The following AKT2 variants were observed in gnomAD, a reference collection of about 807,000 sequenced individuals.
The protein encoded by AKT2 is RAC-beta serine/threonine-protein kinase.
AKT2 carries 16 observed loss-of-function variants against 58.6 expected under a neutral mutation model. The observed-to-expected ratio is 0.27, with a 90% CI of 0.18 to 0.41. The LOEUF (loss-of-function observed/expected upper bound fraction) is 0.41, where lower values mean the gene tolerates loss of function less well. AKT2 is among the 10% of genes least tolerant of loss of function. The pLI is 1.00. For missense variants in AKT2, 438 were observed against 661.0 expected (o/e 0.66, Z 3.70); for synonymous variants, 253 against 254.0 (o/e 1.00, Z 0.04).
chr19:40,256,814 C>CA (rs1312170990), intron 3 of AKT2, 112 bp downstream of exon 3: 4 of 1,528,098 alleles, frequency 2.6e-6, no homozygotes, highest in African/African-American at 2.7e-5. Flanking sequence ...GATCCAAGGG[C>CA]AAGCAGGCCC....
chr19:40,285,071 C>G, intron 1 of AKT2, 110 bp downstream of exon 1: 1 of 386,892 alleles, frequency 2.6e-6, no homozygotes, highest in Non-Finnish European at 4.6e-6. Flanking sequence ...GGCTCGAGGG[C>G]CGCGGTCCCC....
chr19:40,262,414 A>G (rs763836887), intron 2 of AKT2, among the ~76,000 whole-genome samples: 22 of 152,304 alleles, frequency 1.4e-4, no homozygotes, highest in Non-Finnish European at 2.8e-4. Context: ...CATCTTGACT[A>G]CTATACCGTC....
intron 3 of AKT2, among the ~76,000 whole-genome samples, chr19:40,255,983 G>A (rs1975513881): frequency 6.6e-6 from 1 of 152,204 alleles, no homozygotes; most frequent in Non-Finnish European, 1.5e-5. Context: ...CATGGGAAGA[G>A]GGCACTGAGG....
chr19:40,255,740 T>C (rs1975498254), intron 3 of AKT2, among the ~76,000 whole-genome samples: 1 of 151,944 alleles, frequency 6.6e-6, no homozygotes, highest in South Asian at 2.1e-4. Flanking sequence ...CCTGGAGAGG[T>C]GGGCTGGGGC....
At chr19:40,244,056 A>ATAAAAT (rs1176242343) in intron 4 of AKT2, 1 of 141,704 alleles carries the variant, frequency 7.1e-6, no homozygotes, top group Non-Finnish European at 1.5e-5. Flanking sequence ...AATAATAATA[A>ATAAAAT]AATAATAATA....
At chr19:40,257,103 G>A (rs892212206) in intron 2 of AKT2, 49 bp from the exon 3 acceptor site, 1 of 1,608,786 alleles carries the variant, frequency 6.2e-7, no homozygotes, top group Admixed American at 1.7e-5. Context: ...AAGGTTGAGT[G>A]ATGTCCCAGG....
At chr19:40,281,145 T>C (rs573351877) in intron 1 of AKT2, among the ~76,000 whole-genome samples, 1 of 152,250 alleles carries the variant, frequency 6.6e-6, no homozygotes, top group East Asian at 1.9e-4. Context: ...GCACTTCTGC[T>C]GCTCCCCCTG....
chr19:40,254,067 C>A lies in AKT2; in HGVS notation c.287+1091G>T, dbSNP rs554804970. 1.5e-3 allele frequency among the ~76,000 whole-genome samples: 231 copies of A among 151,610 alleles called. 2 individuals carry two copies. Among genetic ancestry groups the A allele is most frequent in the South Asian group, 5.2e-3 (25 of 4,790 alleles). On this transcript the variant is annotated intron_variant, in intron 4 of 13. Transcript: ENST00000392038. The stretch of plus-strand genomic sequence containing the variant: ...CTAAGAACAGTGATTAACTGGGGGG[C>A]AGGGAGGTGGATGGAAAGGGCAGGG...
chr19:40,263,484 G>A (rs1261287885), intron 2 of AKT2, among the ~76,000 whole-genome samples: 2 of 152,198 alleles, frequency 1.3e-5, no homozygotes, highest in East Asian at 3.8e-4. Flanking sequence ...GGCTCAGTGA[G>A]GTGACATGGC....
chr19:40,275,324 C>A, intron 1 of AKT2: 1 of 456,544 alleles, frequency 2.2e-6, no homozygotes, highest in Non-Finnish European at 4.4e-6. Flanking sequence ...CCCTGACCCA[C>A]GTCGCTCTGC....
chr19:40,242,084 G>A lies in AKT2; in HGVS notation c.442-15C>T. 6.2e-7 allele frequency: 1 copy of A among 1,614,158 alleles called. No homozygotes were observed. The highest frequency in any genetic ancestry group is 8.5e-7 in the Non-Finnish European group (1 of 1,180,034). On this transcript the variant is annotated splice_polypyrimidine_tract_variant and intron_variant, in intron 5 of 13. Transcript: ENST00000392038. This position sits in a 1 kb window ranked among gnomAD's most constrained non-coding sequence, Gnocchi z 4.3. ...TCATTCATGGTCTGCCAGGGACAGGGAGAGTGGGGGCAGTCAGCGCCTGGC... is the reference window on the plus strand; with the variant it reads ...TCATTCATGGTCTGCCAGGGACAGGAAGAGTGGGGGCAGTCAGCGCCTGGC...
At chr19:40,275,429 C>T in intron 1 of AKT2, 1 of 407,064 alleles carries the variant, frequency 2.5e-6, no homozygotes, top group South Asian at 1.7e-5. Flanking sequence ...AGTGAGCACT[C>T]ACAAAGCACC....
intron 6 of AKT2, chr19:40,240,793 C>CTT (rs1009869075): frequency 3.2e-5 from 5 of 155,646 alleles, no homozygotes; most frequent in Non-Finnish European, 5.5e-5. Flanking sequence ...TTTTTTTTCC[C>CTT]TTTTTTTTTT....
At chr19:40,236,145 G>A in intron 10 of AKT2, 41 bp from the exon 11 acceptor site, 2 of 1,613,492 alleles carry the variant, frequency 1.2e-6, no homozygotes, top group Non-Finnish European at 1.7e-6. Context: ...CCGTGGCCCT[G>A]AGGCTGGCAT....
At position 40,231,536 on chromosome 19, in the gene AKT2, CA is replaced by C. The variant is rs1973701424; in HGVS notation, c.*2335del. ...TTCTGCTTACATTCACTTAAAATCT[CA>C]AAGACTCAATGGGTGTGAAGTGCTA... is the stretch of plus-strand genomic sequence containing the variant. On this transcript the variant is annotated 3_prime_UTR_variant, in exon 14 of 14. Coordinates refer to ENST00000392038, the MANE Select transcript of AKT2 (RefSeq NM_001626.6). 1 of 233,220 alleles carries C rather than the reference CA, an allele frequency of 4.3e-6. No homozygotes were observed. Among genetic ancestry groups the C allele is most frequent in the Non-Finnish European group, 8.5e-6 (1 of 118,066 alleles). The allele number at this position is 233,220 out of a possible 1,614,324, so 14.4% of individuals were successfully genotyped here. A position where few individuals can be genotyped will look rare whatever the true frequency, so the allele number is the denominator to read the frequency against.
At position 40,230,717 on chromosome 19, in the gene AKT2, T is replaced by TTG. The variant is rs1249447887; in HGVS notation, c.*3154_*3155insCA. On this transcript the variant is annotated 3_prime_UTR_variant, in exon 14 of 14. Coordinates refer to ENST00000392038, the MANE Select transcript of AKT2 (RefSeq NM_001626.6). ...GTCTTTTTTAATAGCATGTATCATG[T>TTG]TTTTTTTTTTTTTATTTTTAGAGAC... is the stretch of plus-strand genomic sequence containing the variant. 1 of 119,058 alleles carries TTG rather than the reference T, an allele frequency of 8.4e-6. No individual in the cohort carries two copies. The highest frequency in any genetic ancestry group is 4.5e-5 in the African/African-American group (1 of 22,162). The allele number at this position is 119,058 out of a possible 1,614,324, so 7.4% of individuals were successfully genotyped here. A position where few individuals can be genotyped will look rare whatever the true frequency, so the allele number is the denominator to read the frequency against.
In AKT2 at chr19:40,242,328, G is replaced by A. The variant is rs1974463120; in HGVS notation, c.441+206C>T. 2.2e-6 allele frequency: 2 copies of A among 910,486 alleles called. No homozygotes were observed. Among genetic ancestry groups the A allele is most frequent in the South Asian group, 3.0e-5 (2 of 66,662 alleles). 56.4% of individuals were successfully genotyped at this position (910,486 alleles called of 1,614,324 possible). A position where few individuals can be genotyped will look rare whatever the true frequency, so the allele number is the denominator to read the frequency against. On this transcript the variant is annotated intron_variant, in intron 5 of 13. Transcript: ENST00000392038. The surrounding 1 kb of genome is among the most constrained non-coding windows in gnomAD (Gnocchi z 4.3). ...CACCAACTCCCAGGACGAACCTGCA[G>A]TGGGTCCACCCAAGGTTGCTCCCTC...
chr19:40,275,008 G>T (rs2077285321), intron 1 of AKT2: 1 of 454,126 alleles, frequency 2.2e-6, no homozygotes, highest in African/African-American at 2.0e-5. Context: ...CTGGGCACTG[G>T]CCTGATGGGC....
intron 4 of AKT2, among the ~76,000 whole-genome samples, chr19:40,245,813 G>C (rs1277652247): frequency 1.3e-5 from 2 of 152,174 alleles, no homozygotes; most frequent in African/African-American, 4.8e-5. Flanking sequence ...TCTGCCCCCA[G>C]AACTCATGGT....
Sources: allele counts gnomAD v4.1 joint callset (sites outside exome capture counted in the v4.1 genomes callset), GRCh38; gene constraint gnomAD v4.1.1; non-coding constraint Gnocchi (gnomAD v3.1); transcripts MANE v1.5; gene names NCBI Gene and HGNC (gene_info 2026-07-23, HGNC 2026-07-21).